APBB2: variants seen among roughly 807,000 people sequenced by gnomAD.
APBB2 encodes amyloid beta precursor protein binding family B member 2, also known as Fe65-like 1.
In APBB2, 38 loss-of-function variants were observed where a neutral mutation model predicts 82.5. The ratio of observed to expected loss-of-function variants is 0.46; its 90% CI spans 0.36 to 0.60. The LOEUF is 0.60. Among genes scored for constraint, APBB2 ranks in the 20% least tolerant of loss-of-function variants. The pLI, the probability that APBB2 is intolerant of heterozygous loss-of-function variation, is 0.00. For synonymous variants in APBB2, 341 were observed against 368.2 expected (o/e 0.93, Z 0.85); for missense variants, 772 against 972.3 (o/e 0.79, Z 2.74).
At chr4:41,110,724 T>C in intron 2 of APBB2, among the ~76,000 whole-genome samples, 1 of 152,108 alleles carries the variant, frequency 6.6e-6, no homozygotes, top group East Asian at 1.9e-4. Context: ...GCATCCCCTC[T>C]ACTTTGTGTT....
intron 1 of APBB2, among the ~76,000 whole-genome samples, chr4:41,192,196 T>C (rs368566724): frequency 2.1e-4 from 32 of 152,190 alleles, no homozygotes; most frequent in African/African-American, 7.2e-4. Context: ...GGTGGGAATA[T>C]AGACTGGTGT....
At chr4:40,915,972 T>A (rs1301517821) in intron 10 of APBB2, among the ~76,000 whole-genome samples, 1 of 152,092 alleles carries the variant, frequency 6.6e-6, no homozygotes, top group Non-Finnish European at 1.5e-5. Flanking sequence ...GTGAGTGAAG[T>A]CTGTCTTTAA....
intron 1 of APBB2, among the ~76,000 whole-genome samples, chr4:41,201,852 T>C (rs1443490108): frequency 1.3e-5 from 2 of 152,188 alleles, no homozygotes; most frequent in African/African-American, 4.8e-5. Context: ...AAGTCAGTAA[T>C]ATACACGGCC....
intron 10 of APBB2, among the ~76,000 whole-genome samples, chr4:40,927,339 T>C (rs912387930): frequency 6.6e-5 from 10 of 152,156 alleles, no homozygotes; most frequent in African/African-American, 1.9e-4. Context: ...AGAAGACCCA[T>C]CTTCAAATGC....
chr4:40,923,292 T>C (rs1781805208), intron 10 of APBB2, among the ~76,000 whole-genome samples: 1 of 152,216 alleles, frequency 6.6e-6, no homozygotes, highest in African/African-American at 2.4e-5. Context: ...CATCAATTTT[T>C]AAACTGCAAA....
At chr4:41,008,104 C>T (rs539317206) in intron 6 of APBB2, among the ~76,000 whole-genome samples, 5 of 152,202 alleles carry the variant, frequency 3.3e-5, no homozygotes, top group Admixed American at 2.6e-4. Context: ...CAAGATACTA[C>T]TATATGCCTC....
chr4:41,053,055 G>A (rs1241083537), intron 4 of APBB2, among the ~76,000 whole-genome samples: 2 of 152,090 alleles, frequency 1.3e-5, no homozygotes, highest in Non-Finnish European at 2.9e-5. Flanking sequence ...GTAGGCCACC[G>A]TGCCCAGCTG....
intron 7 of APBB2, among the ~76,000 whole-genome samples, chr4:40,941,009 T>A (rs966005465): frequency 6.6e-6 from 1 of 152,228 alleles, no homozygotes; most frequent in African/African-American, 2.4e-5. Context: ...GCGGAAACAT[T>A]ATCCACTGCG....
Position 41,014,395 on chromosome 4 carries a change from T to G in APBB2, c.23A>C (p.Asp8Ala). MSEVLPA[D>A]SGVDTLAVFM... ...CACTGCCAAGGTGTCAACACCTGAGTCAGCTGGGGAAAAAAAAAGTCATTA... is the reference window on the plus strand; with the variant it reads ...CACTGCCAAGGTGTCAACACCTGAGGCAGCTGGGGAAAAAAAAAGTCATTA... The change falls in exon 6 of 18, where the codon GAC becomes GCC. Residue 8 changes from aspartate (D) to alanine (A), a missense_variant. By Grantham distance (126) the Asp-to-Ala change is moderately radical (BLOSUM62 -2). Coordinates refer to ENST00000508593, the MANE Select transcript of APBB2 (RefSeq NM_004307.2). The G allele has an allele frequency of 6.2e-7, 1 of 1,613,368 alleles. No homozygotes were observed. The highest frequency in any genetic ancestry group is 8.5e-7 in the Non-Finnish European group (1 of 1,179,690).
intron 4 of APBB2, among the ~76,000 whole-genome samples, chr4:41,060,667 G>C (rs1729488710): frequency 6.6e-6 from 1 of 150,548 alleles, no homozygotes; most frequent in Non-Finnish European, 1.5e-5. Flanking sequence ...TCAAGAGGGA[G>C]ATTTAAGAGC....
At chr4:41,098,634 T>A (rs959329619) in intron 3 of APBB2, among the ~76,000 whole-genome samples, 1 of 152,178 alleles carries the variant, frequency 6.6e-6, no homozygotes, top group Non-Finnish European at 1.5e-5. Context: ...CTACAATGTA[T>A]CCCAAAAGGG....
At chr4:40,922,276 G>A (rs1578450723) in intron 10 of APBB2, among the ~76,000 whole-genome samples, 1 of 152,184 alleles carries the variant, frequency 6.6e-6, no homozygotes, top group Non-Finnish European at 1.5e-5. Flanking sequence ...TGTCTCTGCT[G>A]CATTATTTTG....
At chr4:40,937,112 T>C (rs950986164) in intron 7 of APBB2, among the ~76,000 whole-genome samples, 1 of 152,190 alleles carries the variant, frequency 6.6e-6, no homozygotes, top group Non-Finnish European at 1.5e-5. Context: ...GTCATCACTG[T>C]TTACATGTGA....
At chr4:40,988,159 AC>A (rs1333818930) in intron 6 of APBB2, among the ~76,000 whole-genome samples, 1 of 152,258 alleles carries the variant, frequency 6.6e-6, no homozygotes, top group Non-Finnish European at 1.5e-5. Flanking sequence ...CAATTCTGTC[AC>A]AAGAATTCCA....
At chr4:40,882,558 G>C (rs1195940652) in intron 12 of APBB2, among the ~76,000 whole-genome samples, 1 of 152,224 alleles carries the variant, frequency 6.6e-6, no homozygotes, top group Non-Finnish European at 1.5e-5. Flanking sequence ...CTAGGATGGT[G>C]CTCAGAGAAA....
chr4:40,973,591 A>T (rs1039354986), intron 6 of APBB2, among the ~76,000 whole-genome samples: 1 of 152,224 alleles, frequency 6.6e-6, no homozygotes, highest in African/African-American at 2.4e-5. Flanking sequence ...TCACAAACTG[A>T]GTGGTTTAAA....
At chr4:40,897,694 C>T (rs11734819) in intron 10 of APBB2, among the ~76,000 whole-genome samples, 1 of 151,668 alleles carries the variant, frequency 6.6e-6, no homozygotes, top group Non-Finnish European at 1.5e-5. Context: ...CAGGTGTAAG[C>T]GGGACTAGGC....
At chr4:41,087,883 G>C (rs1408546653) in intron 3 of APBB2, among the ~76,000 whole-genome samples, 2 of 152,142 alleles carry the variant, frequency 1.3e-5, no homozygotes, top group Non-Finnish European at 2.9e-5. Context: ...TACCAAGACA[G>C]CGGTATAATA....
At chr4:41,030,920 A>G (rs896417339) in intron 5 of APBB2, among the ~76,000 whole-genome samples, 7 of 152,120 alleles carry the variant, frequency 4.6e-5, no homozygotes, top group African/African-American at 1.7e-4. Context: ...GAGGCAGACA[A>G]TGGTATAAAT....
Sources: allele counts gnomAD v4.1 joint callset (sites outside exome capture counted in the v4.1 genomes callset), GRCh38; gene constraint gnomAD v4.1.1; transcripts MANE v1.5; gene names NCBI Gene and HGNC (gene_info 2026-07-23, HGNC 2026-07-21).